PRRC2B: variants seen among roughly 807,000 people sequenced by gnomAD.
The protein encoded by PRRC2B is proline rich coiled-coil 2B, also known as protein PRRC2B.
Under a neutral mutation model 242.3 loss-of-function variants are expected in PRRC2B, and 68 were observed. The ratio of observed to expected loss-of-function variants is 0.28; its 90% CI spans 0.23 to 0.34. PRRC2B has a LOEUF of 0.34. Among genes scored for constraint, PRRC2B ranks in the 10% least tolerant of loss-of-function variants. The pLI is 1.00. For synonymous variants in PRRC2B, 1,228 were observed against 1,173.6 expected, an observed-to-expected ratio of 1.05 and a Z score of -0.95; for missense variants, 2,835 against 2,954.8, an observed-to-expected ratio of 0.96 and a Z score of 0.94.
At chr9:131,478,047 T>A (rs915951416) in intron 17 of PRRC2B, 98 bp downstream of exon 17, 3 of 1,083,314 alleles carry the variant, frequency 2.8e-6, no homozygotes, top group Admixed American at 2.1e-5. Flanking sequence ...CTGAGTACCT[T>A]AGCTTTCGGA....
intron 1 of PRRC2B, among the ~76,000 whole-genome samples, chr9:131,407,161 GACTGGGTTTAATTA>G (rs1246804101): frequency 6.6e-6 from 1 of 152,188 alleles, no homozygotes; most frequent in African/African-American, 2.4e-5. Flanking sequence ...CAGTGGCATA[GACTGGGTTTAATTA>G]ACAAGTGCTG....
At chr9:131,484,354 C>T (rs1343992672) in intron 23 of PRRC2B, among the ~76,000 whole-genome samples, 1 of 152,100 alleles carries the variant, frequency 6.6e-6, no homozygotes, top group Non-Finnish European at 1.5e-5. Flanking sequence ...CTGGAGGGCA[C>T]TATGGAGTGT....
At chr9:131,480,265 T>C (rs1165440916) in intron 19 of PRRC2B, among the ~76,000 whole-genome samples, 3 of 152,222 alleles carry the variant, frequency 2.0e-5, no homozygotes, top group Non-Finnish European at 4.4e-5. Context: ...CCACATAGCT[T>C]GTCCTCATGT....
chr9:131,474,826 C>T lies in PRRC2B; in HGVS notation c.2697C>T (p.Ile899=). ...ETPREGTAFN[I]SSWDKNGSPN... ...CCCGGGAGGGGACGGCCTTTAACAT[C>T]TCCTCCTGGGACAAGAACGGGAGCC... Residue 899 remains isoleucine, a synonymous_variant, in exon 16 of 32, where the codon ATC becomes ATT. Coordinates refer to ENST00000683519, the MANE Select transcript of PRRC2B (RefSeq NM_013318.4). 1 of 1,611,780 alleles carries T rather than the reference C, an allele frequency of 6.2e-7. No homozygotes were observed. Among genetic ancestry groups the T allele is most frequent in the Non-Finnish European group, 8.5e-7 (1 of 1,179,544 alleles).
At chr9:131,391,560 T>C (rs1371453220), upstream of PRRC2B, among the ~76,000 whole-genome samples, 1 of 152,196 alleles carries the variant, frequency 6.6e-6, no homozygotes, top group Non-Finnish European at 1.5e-5. Context: ...TGGACATCTT[T>C]GGTGGGGGGC....
intron 9 of PRRC2B, among the ~76,000 whole-genome samples, chr9:131,450,626 C>A (rs997441604): frequency 4.8e-5 from 7 of 146,744 alleles, no homozygotes; most frequent in African/African-American, 1.8e-4. Flanking sequence ...CTCACTCTGC[C>A]ACACAGGCTG....
upstream of PRRC2B, among the ~76,000 whole-genome samples, chr9:131,389,237 C>A (rs1236083696): frequency 6.7e-6 from 1 of 148,366 alleles, no homozygotes; most frequent in Non-Finnish European, 1.5e-5. Context: ...ACCACAACCT[C>A]CGCTTCCCTG....
intron 1 of PRRC2B, chr9:131,373,765 G>A (rs1016623720): frequency 3.3e-5 from 5 of 152,238 alleles, no homozygotes; most frequent in African/African-American, 9.6e-5. Flanking sequence ...GATCTTTTAG[G>A]ATCGCTCGTC....
chr9:131,459,737 C>G (rs1943188036), intron 11 of PRRC2B, among the ~76,000 whole-genome samples: 1 of 152,118 alleles, frequency 6.6e-6, no homozygotes, highest in African/African-American at 2.4e-5. Context: ...CGAGGTCTTA[C>G]TATGTTGCCC....
chr9:131,381,112 C>T (rs1364259420), intron 1 of PRRC2B, among the ~76,000 whole-genome samples: 1 of 152,086 alleles, frequency 6.6e-6, no homozygotes, highest in African/African-American at 2.4e-5. Context: ...CTCCTTCATC[C>T]TACCCTTATC....
At chr9:131,418,488 G>T (rs1423866316) in intron 1 of PRRC2B, among the ~76,000 whole-genome samples, 1 of 152,182 alleles carries the variant, frequency 6.6e-6, no homozygotes, top group Non-Finnish European at 1.5e-5. Context: ...TCTCTGTGAG[G>T]ACATAGGGTT....
At chr9:131,400,993 C>T (rs1199894529) in intron 1 of PRRC2B, among the ~76,000 whole-genome samples, 3 of 144,618 alleles carry the variant, frequency 2.1e-5, no homozygotes, top group African/African-American at 7.8e-5. Context: ...CGGAGTTTTG[C>T]TCTTGTTGCC....
chr9:131,421,819 C>G (rs1187809111), intron 1 of PRRC2B, among the ~76,000 whole-genome samples: 2 of 152,204 alleles, frequency 1.3e-5, no homozygotes, highest in African/African-American at 4.8e-5. Flanking sequence ...GGATCATCAT[C>G]TGTACAGTTG....
At chr9:131,429,523 GTT>G (rs973430564) in intron 1 of PRRC2B, among the ~76,000 whole-genome samples, 2 of 152,176 alleles carry the variant, frequency 1.3e-5, no homozygotes, top group Admixed American at 6.5e-5. Context: ...CTAAGCAGAT[GTT>G]TTCTCTCTGG....
chr9:131,471,626 A>G (rs958417893), intron 14 of PRRC2B, among the ~76,000 whole-genome samples: 1 of 152,200 alleles, frequency 6.6e-6, no homozygotes, highest in East Asian at 1.9e-4. Flanking sequence ...ACAGCCATAA[A>G]CAATAGTAAT....
intron 1 of PRRC2B, among the ~76,000 whole-genome samples, chr9:131,404,643 CCACATTATCCA>C (rs1588238693): frequency 6.6e-6 from 1 of 152,264 alleles, no homozygotes; most frequent in East Asian, 1.9e-4. Flanking sequence ...AGAAAAAAAC[CCACATTATCCA>C]CATGCACGTT....
intron 11 of PRRC2B, 67 bp from the exon 12 acceptor site, chr9:131,464,696 G>A (rs947210179): frequency 1.4e-6 from 2 of 1,400,988 alleles, no homozygotes; most frequent in African/African-American, 1.4e-5. Flanking sequence ...TGATCCCAAA[G>A]TGGGAGTGGT....
At chr9:131,473,780 A>G in intron 15 of PRRC2B, 56 bp downstream of exon 15, 1 of 1,385,382 alleles carries the variant, frequency 7.2e-7, no homozygotes, top group East Asian at 2.4e-5. Context: ...CCAGGTCCTA[A>G]TTGAGAGGGC....
rs1186580805 is a variant in PRRC2B at position 131,494,083 on chromosome 9, C to T, written c.6474-322C>T. Among the ~76,000 whole-genome samples the T allele has an allele frequency of 2.6e-5, 4 of 152,228 alleles. No individual in the cohort carries two copies. Among genetic ancestry groups the T allele is most frequent in the South Asian group, 2.1e-4 (1 of 4,834 alleles). On this transcript the variant is annotated intron_variant, in intron 30 of 31. Coordinates refer to ENST00000683519, the MANE Select transcript of PRRC2B (RefSeq NM_013318.4). The surrounding 1 kb of genome is among the most constrained non-coding windows in gnomAD (Gnocchi z 4.3). ...CATCGTGTTGGTCCAGACCCTGAGA[C>T]GGCCAGTGTCGCTTTCTGCACAGCA...
Sources: gnomAD v4.1 joint callset for allele counts (sites outside exome capture counted in the v4.1 genomes callset) on GRCh38, gnomAD v4.1.1 for gene constraint, Gnocchi (gnomAD v3.1) non-coding constraint, MANE v1.5 for transcripts, NCBI Gene and HGNC (gene_info 2026-07-23, HGNC 2026-07-21) for gene names.